The following CAPRIN2 variants were observed in gnomAD, a reference collection of about 807,000 sequenced individuals.
The protein encoded by CAPRIN2 is caprin-2.
CAPRIN2 carries 66 observed loss-of-function variants against 130.4 expected under a neutral mutation model. That is an observed-to-expected ratio of 0.51 (90% CI 0.42 to 0.62). The LOEUF (loss-of-function observed/expected upper bound fraction) is 0.62. CAPRIN2 is among the 20% of genes least tolerant of loss of function. CAPRIN2 has a pLI of 0.00. For synonymous variants in CAPRIN2, 471 were observed against 444.1 expected (o/e 1.06, Z -0.76); for missense variants, 1,185 against 1,246.6 (o/e 0.95, Z 0.74).
At position 30,716,373 on chromosome 12, in the gene CAPRIN2, G is replaced by A. The variant is rs149168933; in HGVS notation, c.2317+135C>T. 167 of 771,162 alleles carry A rather than the reference G, an allele frequency of 2.2e-4. No individual in the cohort carries two copies. In the African/African-American group the frequency reaches 2.7e-3, roughly 13 times the overall value. The allele number at this position is 771,162 out of a possible 1,614,324, so 47.8% of individuals were successfully genotyped here. A position where few individuals can be genotyped will look rare whatever the true frequency, so the allele number is the denominator to read the frequency against. ...GGGCATTAGGTTTTTCTCAACACTG[G>A]AGGAACATGTAAAGAAATAATGCTT... On this transcript the variant is annotated intron_variant, in intron 13 of 16. Coordinates refer to ENST00000298892, the Ensembl canonical transcript of CAPRIN2.
chr12:30,733,214 C>G (rs560181274), intron 5 of CAPRIN2, among the ~76,000 whole-genome samples: 1 of 152,042 alleles, frequency 6.6e-6, no homozygotes, highest in Non-Finnish European at 1.5e-5. Flanking sequence ...CAATAGACAA[C>G]GTTTCAATAG....
At chr12:30,748,316 C>A (rs1019871434) in intron 2 of CAPRIN2, among the ~76,000 whole-genome samples, 6 of 152,238 alleles carry the variant, frequency 3.9e-5, no homozygotes, top group African/African-American at 1.4e-4. Context: ...ACAGCCGCTG[C>A]AACCTTCAGC....
Position 30,713,880 on chromosome 12 carries a change from C to CA in CAPRIN2, c.2505dup (p.Asp836Ter), listed in dbSNP as rs758154418. On this transcript the variant is annotated frameshift_variant, in exon 15 of 17. Coordinates refer to ENST00000298892, the Ensembl canonical transcript of CAPRIN2. LOFTEE classifies it high-confidence loss of function. ...ATTGAAGGGAGTCCTCTATAAGTAT[C>CA]AAAACCTAATAAATAAACAAACTTA... 6.4e-7 allele frequency: 1 copy of CA among 1,567,054 alleles called. No homozygotes were observed. The highest frequency in any genetic ancestry group is 8.8e-7 in the Non-Finnish European group (1 of 1,138,988).
chr12:30,739,039 A>C (rs1158843789), intron 3 of CAPRIN2, among the ~76,000 whole-genome samples: 1 of 152,226 alleles, frequency 6.6e-6, no homozygotes, highest in African/African-American at 2.4e-5. Flanking sequence ...TTGACCCAAC[A>C]ATCCCATCAC....
chr12:30,729,330 A>ATAG lies in CAPRIN2; in HGVS notation c.1105-8_1105-6dup. On this transcript the variant is annotated splice_polypyrimidine_tract_variant and splice_region_variant and intron_variant, in intron 7 of 16. Coordinates refer to ENST00000298892, the Ensembl canonical transcript of CAPRIN2. ...CATATAGCGTCTGTTAAGAAACTAG[A>ATAG]TAGAGAAACAATGCACTTAAGTCAC... 5 of 1,536,322 alleles carry ATAG rather than the reference A, an allele frequency of 3.3e-6. No homozygotes were observed. Among genetic ancestry groups the ATAG allele is most frequent in the Non-Finnish European group, 4.4e-6 (5 of 1,147,274 alleles).
At chr12:30,709,963 G>A (rs1658036246) in exon 17 of CAPRIN2, 2 of 1,612,080 alleles carry the variant, frequency 1.2e-6, no homozygotes, top group South Asian at 1.1e-5. Context: ...TCCATAAATT[G>A]CTCCCCTGTG....
chr12:30,709,883 G>A, exon 17 of CAPRIN2: 1 of 1,582,670 alleles, frequency 6.3e-7, no homozygotes, highest in Non-Finnish European at 8.6e-7. Flanking sequence ...TCCTTTTATT[G>A]TCAATACTGT....
Position 30,710,425 on chromosome 12 carries a change from T to C in CAPRIN2, c.2711A>G (p.Asn904Ser). 2 of 1,614,156 alleles carry C rather than the reference T, an allele frequency of 1.2e-6. No individual in the cohort carries two copies. The highest frequency in any genetic ancestry group is 1.7e-6 in the Non-Finnish European group (2 of 1,180,026). The change falls in exon 17 of 17, where the codon AAC (asparagine) becomes AGC (serine). Residue 904 changes from asparagine (N) to serine (S), a missense_variant. Around this residue, in one of 2 missense-constraint regions of CAPRIN2, gnomAD observed 1,104 missense variants for 1,104.3 expected, o/e 1.00. Coordinates refer to ENST00000298892, the Ensembl canonical transcript of CAPRIN2. This position sits in a 1 kb window ranked among gnomAD's most constrained non-coding sequence, Gnocchi z 4.8. ...AGAGTCACCACTGTTAAAGGTTTCGTTGTCTCTTTCTGGGCTGCTCACCTG... is the reference window on the plus strand; with the variant it reads ...AGAGTCACCACTGTTAAAGGTTTCGCTGTCTCTTTCTGGGCTGCTCACCTG...
chr12:30,737,195 G>A (rs1438704832), intron 3 of CAPRIN2, among the ~76,000 whole-genome samples: 5 of 151,358 alleles, frequency 3.3e-5, no homozygotes, highest in Admixed American at 3.3e-4. Flanking sequence ...ATAGAGATGA[G>A]GTCTCTCTAT....
At chr12:30,740,279 T>TA (rs145094288) in intron 3 of CAPRIN2, among the ~76,000 whole-genome samples, 14,714 of 150,138 alleles carry the variant, frequency 0.098, 857 homozygotes, top group African/African-American at 0.15. Flanking sequence ...TAAAACATAA[T>TA]AAAAAAATAT....
chr12:30,730,981 T>G (rs570921630), intron 6 of CAPRIN2, among the ~76,000 whole-genome samples: 89 of 152,314 alleles, frequency 5.8e-4, no homozygotes, highest in African/African-American at 2.1e-3. Flanking sequence ...GTTAATTACA[T>G]CCTCATTCCA....
At chr12:30,744,937 A>G (rs1264969385) in intron 2 of CAPRIN2, among the ~76,000 whole-genome samples, 1 of 152,232 alleles carries the variant, frequency 6.6e-6, no homozygotes, top group Non-Finnish European at 1.5e-5. Flanking sequence ...AAGAAATCAT[A>G]TACTGAGAGC....
intron 12 of CAPRIN2, 126 bp from the exon 15 acceptor site, chr12:30,716,802 C>T (rs1463865968): frequency 2.8e-6 from 2 of 725,740 alleles, no homozygotes; most frequent in Admixed American, 5.1e-5. Context: ...ATAGACATCT[C>T]TCCAAAGAAG....
chr12:30,716,381 T>C (rs1008728225), intron 13 of CAPRIN2, 127 bp downstream of exon 15: 9 of 813,626 alleles, frequency 1.1e-5, no homozygotes, highest in African/African-American at 3.5e-5. Flanking sequence ...TGGAGGAACA[T>C]GTAAAGAAAT....
At chr12:30,722,515 T>C (rs886729939) in intron 11 of CAPRIN2, among the ~76,000 whole-genome samples, 2 of 150,808 alleles carry the variant, frequency 1.3e-5, no homozygotes, top group Non-Finnish European at 3.0e-5. Flanking sequence ...CCTAAACAGC[T>C]AGAACAAAAA....
At chr12:30,751,952 T>G (rs1246899369) in intron 1 of CAPRIN2, among the ~76,000 whole-genome samples, 2 of 123,076 alleles carry the variant, frequency 1.6e-5, no homozygotes, top group African/African-American at 6.2e-5. Context: ...AGAATTTCAC[T>G]CCGTTGCCCA....
chr12:30,746,914 G>A (rs1565699066), intron 2 of CAPRIN2, among the ~76,000 whole-genome samples: 1 of 152,232 alleles, frequency 6.6e-6, no homozygotes. Context: ...GATTTTCAAT[G>A]TAGATGCAAG....
At chr12:30,732,049 T>A (rs10843823) in intron 5 of CAPRIN2, among the ~76,000 whole-genome samples, 1 of 151,902 alleles carries the variant, frequency 6.6e-6, no homozygotes, top group African/African-American at 2.4e-5. Context: ...TCTATTAGAT[T>A]ACTAATATTA....
chr12:30,753,372 T>G, exon 1 of CAPRIN2: 1 of 1,607,132 alleles, frequency 6.2e-7, no homozygotes, highest in Admixed American at 1.7e-5. Flanking sequence ...TCTAATTTTG[T>G]GTTTAAGGCA....
Sources: allele counts gnomAD v4.1 joint callset (sites outside exome capture counted in the v4.1 genomes callset), GRCh38; gene constraint gnomAD v4.1.1; regional missense constraint gnomAD v4.1.1; non-coding constraint Gnocchi (gnomAD v3.1); transcripts MANE v1.5; gene names NCBI Gene and HGNC (gene_info 2026-07-23, HGNC 2026-07-21).